Variants in PLCE1 observed in about 807,000 individuals in gnomAD.
The protein encoded by PLCE1 is 1-phosphatidylinositol 4,5-bisphosphate phosphodiesterase epsilon-1.
PLCE1 carries 119 observed loss-of-function variants against 242.8 expected under a neutral mutation model. That is an observed-to-expected ratio of 0.49 (90% confidence interval 0.42 to 0.57). The LOEUF (loss-of-function observed/expected upper bound fraction) is 0.57, where lower values mean the gene tolerates loss of function less well. PLCE1 is among the 20% of genes least tolerant of loss of function. The pLI is 0.00. For missense variants in PLCE1, 2,441 were observed against 2,788.8 expected, an observed-to-expected ratio of 0.88 and a Z score of 2.81; for synonymous variants, 945 against 1,017.4, an observed-to-expected ratio of 0.93 and a Z score of 1.35.
chr10:94,239,421 G>T (rs911604483), intron 7 of PLCE1, among the ~76,000 whole-genome samples: 1 of 152,188 alleles, frequency 6.6e-6, no homozygotes, highest in Admixed American at 6.5e-5. Flanking sequence ...ATGCAGCAAG[G>T]CTTCACCTTC....
intron 3 of PLCE1, among the ~76,000 whole-genome samples, chr10:94,170,388 TAA>T (rs2047935086): frequency 6.6e-6 from 1 of 152,184 alleles, no homozygotes; most frequent in Non-Finnish European, 1.5e-5. Flanking sequence ...AGTGTCAAAA[TAA>T]AGAGAAGGCA....
chr10:94,197,646 T>A (rs1463972617), intron 4 of PLCE1, among the ~76,000 whole-genome samples: 1 of 152,228 alleles, frequency 6.6e-6, no homozygotes, highest in Non-Finnish European at 1.5e-5. Context: ...GTTCAAATAT[T>A]TTCTGGCAAT....
At chr10:94,119,197 G>A (rs2046230613) in intron 2 of PLCE1, among the ~76,000 whole-genome samples, 1 of 152,068 alleles carries the variant, frequency 6.6e-6, no homozygotes, top group African/African-American at 2.4e-5. Flanking sequence ...TTAATAAAAG[G>A]AAACCACCAA....
At chr10:94,050,665 G>T (rs2043738428) in intron 2 of PLCE1, among the ~76,000 whole-genome samples, 1 of 151,894 alleles carries the variant, frequency 6.6e-6, no homozygotes, top group Admixed American at 6.6e-5. Context: ...TGAACTATAA[G>T]TGTAATACTT....
At chr10:94,147,152 T>C (rs1160612722) in intron 3 of PLCE1, among the ~76,000 whole-genome samples, 1 of 152,116 alleles carries the variant, frequency 6.6e-6, no homozygotes, top group East Asian at 1.9e-4. Flanking sequence ...CCGGGCATGG[T>C]GGCTTATGCC....
At chr10:94,268,223 C>T (rs1157213381) in intron 16 of PLCE1, among the ~76,000 whole-genome samples, 1 of 152,142 alleles carries the variant, frequency 6.6e-6, no homozygotes, top group East Asian at 1.9e-4. Flanking sequence ...TTCTGGAGCA[C>T]TTTAATAAAG....
chr10:94,309,914 T>C (rs544072632), intron 27 of PLCE1, among the ~76,000 whole-genome samples: 50 of 152,184 alleles, frequency 3.3e-4, no homozygotes, highest in Non-Finnish European at 5.4e-4. Context: ...TAGTCCCAGC[T>C]ACCTGGGAGG....
intron 4 of PLCE1, among the ~76,000 whole-genome samples, chr10:94,217,503 ACT>A (rs1197117746): frequency 6.6e-6 from 1 of 152,076 alleles, no homozygotes; most frequent in African/African-American, 2.4e-5. Flanking sequence ...AAAAGGGGAG[ACT>A]CTGCATGAGA....
At chr10:94,106,912 T>TTTTCTCTCTCTCTCTCTCTCTC (rs2045756641) in intron 2 of PLCE1, among the ~76,000 whole-genome samples, 3 of 38,734 alleles carry the variant, frequency 7.7e-5, no homozygotes, top group Admixed American at 5.0e-4. Flanking sequence ...TGTCTCTTGT[T>TTTTCTCTCTCTCTCTCTCTCTC]TCTCTCTCTC....
At chr10:94,233,635 T>C (rs1431985913) in intron 5 of PLCE1, among the ~76,000 whole-genome samples, 3 of 152,150 alleles carry the variant, frequency 2.0e-5, no homozygotes, top group African/African-American at 7.2e-5. Context: ...ATAGGAACCC[T>C]ACATAAATAT....
Position 94,283,889 on chromosome 10 carries a change from A to G in PLCE1, c.4895A>G (p.Asn1632Ser). ...CCAAAGAGGATAAAGAAAGCAGATA[A>G]CTCTGCTTGCAACAAAGGAAAGGTG... ...EIPKRIKKAD[N>S]SACNKGKVYD... The change falls in exon 21 of 33, where the codon AAC (asparagine) becomes AGC (serine). Residue 1632 changes from asparagine (N) to serine (S), a missense_variant. Transcript: ENST00000371380. 6.2e-7 allele frequency: 1 copy of G among 1,611,666 alleles called. No homozygotes were observed. The highest frequency in any genetic ancestry group is 8.5e-7 in the Non-Finnish European group (1 of 1,178,240).
chr10:94,134,411 T>C (rs1161116975), intron 3 of PLCE1, among the ~76,000 whole-genome samples: 1 of 152,204 alleles, frequency 6.6e-6, no homozygotes, highest in Non-Finnish European at 1.5e-5. Flanking sequence ...AAAGTTTTTA[T>C]GTGCCTCAGT....
chr10:94,097,921 G>A (rs1024266167), intron 2 of PLCE1, among the ~76,000 whole-genome samples: 8 of 152,182 alleles, frequency 5.3e-5, no homozygotes, highest in Admixed American at 5.2e-4. Flanking sequence ...AGACAAAGGT[G>A]GTGCTGAGGT....
chr10:94,068,997 A>G (rs1251279575), intron 2 of PLCE1, among the ~76,000 whole-genome samples: 2 of 152,256 alleles, frequency 1.3e-5, no homozygotes, highest in Non-Finnish European at 2.9e-5. Flanking sequence ...AATAGGGAGT[A>G]TTCAATAGAT....
chr10:94,022,843 T>G (rs986166739), intron 1 of PLCE1, among the ~76,000 whole-genome samples: 2 of 152,128 alleles, frequency 1.3e-5, no homozygotes, highest in African/African-American at 4.8e-5. Context: ...AATCCAGATC[T>G]TAATGGACAA....
chr10:94,167,897 G>T (rs1419338620), intron 3 of PLCE1, among the ~76,000 whole-genome samples: 1 of 151,992 alleles, frequency 6.6e-6, no homozygotes, highest in African/African-American at 2.4e-5. Context: ...ATGTTTGCCA[G>T]GCTGGCTTTG....
intron 2 of PLCE1, among the ~76,000 whole-genome samples, chr10:94,039,938 A>ATG (rs1445493323): frequency 6.6e-6 from 1 of 152,188 alleles, no homozygotes; most frequent in Non-Finnish European, 1.5e-5. Context: ...ATTATCAGAT[A>ATG]TGTGGTTTGC....
At chr10:94,165,446 C>T (rs1222436240) in intron 3 of PLCE1, among the ~76,000 whole-genome samples, 1 of 152,210 alleles carries the variant, frequency 6.6e-6, no homozygotes, top group East Asian at 1.9e-4. Context: ...GGGATACAAT[C>T]TCCTGGTGTG....
chr10:94,171,559 C>A, intron 4 of PLCE1, 63 bp downstream of exon 4: 1 of 1,281,518 alleles, frequency 7.8e-7, no homozygotes, highest in Non-Finnish European at 1.1e-6. Context: ...TCAAGCATAC[C>A]TCCCCTTCTA....
Sources: allele counts gnomAD v4.1 joint callset (sites outside exome capture counted in the v4.1 genomes callset), GRCh38; gene constraint gnomAD v4.1.1; transcripts MANE v1.5; gene names NCBI Gene and HGNC (gene_info 2026-07-23, HGNC 2026-07-21).